TRPC4: variants seen among roughly 807,000 people sequenced by gnomAD.
TRPC4 encodes transient receptor potential cation channel subfamily C member 4, also known as short transient receptor potential channel 4.
In TRPC4, 49 loss-of-function variants were observed where a neutral mutation model predicts 99.4. The observed-to-expected ratio is 0.49, with a 90% CI of 0.39 to 0.63. TRPC4 has a LOEUF of 0.63. TRPC4 is among the 20% of genes least tolerant of loss of function. TRPC4 has a pLI of 0.00. For missense variants in TRPC4, 898 were observed against 1,152.9 expected, an observed-to-expected ratio of 0.78 and a Z score of 3.20; for synonymous variants, 454 against 425.9, an observed-to-expected ratio of 1.07 and a Z score of -0.81.
intron 3 of TRPC4, among the ~76,000 whole-genome samples, chr13:37,697,350 T>C: frequency 6.6e-6 from 1 of 152,196 alleles, no homozygotes; most frequent in East Asian, 1.9e-4. Flanking sequence ...TATAAGAGTA[T>C]GTCCGACATG....
chr13:37,663,331 A>G lies in TRPC4; in HGVS notation c.1688+85T>C, dbSNP rs879136416. 6 of 1,320,104 alleles carry G rather than the reference A, an allele frequency of 4.5e-6. No individual in the cohort carries two copies. The South Asian group carries it at 7.8e-5, about 17-fold the overall frequency. 81.8% of individuals were successfully genotyped at this position (1,320,104 alleles called of 1,614,324 possible). ...TTAGTTCCCCATTTTCTTTACAACC[A>G]TTTGTCATAGGTTTTTCAAGTTTGT... On this transcript the variant is annotated intron_variant, in intron 6 of 10. Coordinates refer to ENST00000379705, the MANE Select transcript of TRPC4 (RefSeq NM_016179.4).
intron 2 of TRPC4, among the ~76,000 whole-genome samples, chr13:37,752,176 AT>A (rs1955953144): frequency 1.4e-5 from 2 of 147,210 alleles, no homozygotes; most frequent in African/African-American, 2.5e-5. Flanking sequence ...GCTAACTATA[AT>A]TTTTTTGTTC....
chr13:37,663,197 TGATTTTAC>T (rs1952511448), intron 6 of TRPC4, among the ~76,000 whole-genome samples: 1 of 152,240 alleles, frequency 6.6e-6, no homozygotes, highest in African/African-American at 2.4e-5. Flanking sequence ...GAAGAAAAGA[TGATTTTAC>T]TAAAATTTAA....
chr13:37,667,496 G>A (rs958524345), intron 5 of TRPC4, among the ~76,000 whole-genome samples: 3 of 151,954 alleles, frequency 2.0e-5, no homozygotes, highest in African/African-American at 4.8e-5. Context: ...TAGTAGAGAC[G>A]GGCTTTCACC....
intron 1 of TRPC4, among the ~76,000 whole-genome samples, chr13:37,843,816 C>T (rs1170239102): frequency 6.6e-6 from 1 of 152,148 alleles, no homozygotes; most frequent in African/African-American, 2.4e-5. Flanking sequence ...CAGCAACTAT[C>T]CGCAGGCAAG....
intron 5 of TRPC4, among the ~76,000 whole-genome samples, chr13:37,672,743 C>A (rs1952897746): frequency 6.6e-6 from 1 of 152,218 alleles, no homozygotes; most frequent in Admixed American, 6.5e-5. Context: ...AATGCATAAT[C>A]TCCTTTGGTT....
chr13:37,770,702 A>G (rs1262397956), intron 2 of TRPC4, among the ~76,000 whole-genome samples: 2 of 151,628 alleles, frequency 1.3e-5, no homozygotes, highest in African/African-American at 4.8e-5. Flanking sequence ...TGAATTAGCA[A>G]CATTTAACAT....
chr13:37,820,000 A>G (rs1957969090), intron 1 of TRPC4, among the ~76,000 whole-genome samples: 1 of 151,936 alleles, frequency 6.6e-6, no homozygotes, highest in Admixed American at 6.6e-5. Context: ...AGATCAACAA[A>G]TCCAGGAGTT....
chr13:37,747,113 C>A (rs1047666795), intron 2 of TRPC4, among the ~76,000 whole-genome samples: 5 of 152,060 alleles, frequency 3.3e-5, no homozygotes, highest in Admixed American at 3.3e-4. Context: ...AGCATTGAGT[C>A]GAGTCAGCAG....
chr13:37,735,812 T>C (rs942441505), intron 3 of TRPC4, among the ~76,000 whole-genome samples: 13 of 152,190 alleles, frequency 8.5e-5, no homozygotes, highest in African/African-American at 2.9e-4. Context: ...TACACTTCCT[T>C]GAAAATAAAA....
intron 1 of TRPC4, among the ~76,000 whole-genome samples, chr13:37,812,378 T>G (rs1445386911): frequency 6.6e-6 from 1 of 151,828 alleles, no homozygotes; most frequent in Non-Finnish European, 1.5e-5. Flanking sequence ...GGAGAAAATT[T>G]AATGAATCTA....
At chr13:37,774,871 T>C (rs1453780998) in intron 2 of TRPC4, among the ~76,000 whole-genome samples, 1 of 151,784 alleles carries the variant, frequency 6.6e-6, no homozygotes, top group African/African-American at 2.4e-5. Flanking sequence ...ATATGTATTT[T>C]CATAATTCCC....
chr13:37,634,804 A>G lies in TRPC4; in HGVS notation c.*2099T>C, dbSNP rs1246474545. ...ACTACTGTAGGTATGATTTAGAAAAAAATGAGTATTTCAGTAGCCCCAGGA... is the reference window on the plus strand; with the variant it reads ...ACTACTGTAGGTATGATTTAGAAAAGAATGAGTATTTCAGTAGCCCCAGGA... On this transcript the variant is annotated 3_prime_UTR_variant, in exon 11 of 11. Transcript: ENST00000379705. Among the ~76,000 whole-genome samples the G allele has an allele frequency of 6.6e-6, 1 of 152,120 alleles. No individual in the cohort carries two copies. Among genetic ancestry groups the G allele is most frequent in the East Asian group, 1.9e-4 (1 of 5,198 alleles).
intron 1 of TRPC4, among the ~76,000 whole-genome samples, chr13:37,783,976 G>A (rs1468135411): frequency 3.9e-5 from 6 of 152,076 alleles, no homozygotes; most frequent in Admixed American, 6.6e-5. Flanking sequence ...CCAAAGTGCC[G>A]GAATTACAGG....
intron 3 of TRPC4, among the ~76,000 whole-genome samples, chr13:37,737,629 A>G (rs1322602721): frequency 6.6e-6 from 1 of 152,130 alleles, no homozygotes; most frequent in Non-Finnish European, 1.5e-5. Flanking sequence ...ACATGCCACC[A>G]TGCCCAGCTA....
At chr13:37,664,521 C>G (rs2138698912) in intron 5 of TRPC4, among the ~76,000 whole-genome samples, 1 of 151,904 alleles carries the variant, frequency 6.6e-6, no homozygotes, top group East Asian at 1.9e-4. Context: ...TTGTGGTGAG[C>G]TGAGATCACG....
At chr13:37,817,713 AG>A (rs1484800790) in intron 1 of TRPC4, among the ~76,000 whole-genome samples, 1 of 151,988 alleles carries the variant, frequency 6.6e-6, no homozygotes, top group African/African-American at 2.4e-5. Context: ...AACAGAATAA[AG>A]AACCAAAAAA....
At chr13:37,869,529 A>C (rs1164344910) in intron 1 of TRPC4, 66 bp downstream of exon 1, 1 of 152,254 alleles carries the variant, frequency 6.6e-6, no homozygotes, top group Non-Finnish European at 1.5e-5. Flanking sequence ...AACTTAACCG[A>C]GATCCCAGAA....
At chr13:37,822,884 C>T (rs1490506770) in intron 1 of TRPC4, among the ~76,000 whole-genome samples, 1 of 150,732 alleles carries the variant, frequency 6.6e-6, no homozygotes, top group Non-Finnish European at 1.5e-5. Context: ...TACAGTCCCA[C>T]CAACAGTGTA....
Sources: gnomAD v4.1 joint callset for allele counts (sites outside exome capture counted in the v4.1 genomes callset) on GRCh38, gnomAD v4.1.1 for gene constraint, MANE v1.5 for transcripts, NCBI Gene and HGNC (gene_info 2026-07-23, HGNC 2026-07-21) for gene names.